Variants in ROBO1 observed in about 807,000 individuals in gnomAD.
ROBO1 encodes roundabout guidance receptor 1.
Under a neutral mutation model 195.9 loss-of-function variants are expected in ROBO1, and 149 were observed. The observed-to-expected ratio is 0.76, with a 90% CI of 0.67 to 0.87. The LOEUF (loss-of-function observed/expected upper bound fraction) is 0.87. Among genes scored for constraint, ROBO1 ranks in the 40% least tolerant of loss-of-function variants. ROBO1 has a pLI of 0.00. For missense variants in ROBO1, 1,933 were observed against 2,068.3 expected, an observed-to-expected ratio of 0.93 and a Z score of 1.27; for synonymous variants, 816 against 733.2, an observed-to-expected ratio of 1.11 and a Z score of -1.82.
intron 10 of ROBO1, among the ~76,000 whole-genome samples, chr3:78,677,819 C>T (rs905816286): frequency 7.9e-5 from 12 of 152,142 alleles, no homozygotes; most frequent in South Asian, 4.2e-4. Context: ...CTGCACCAAG[C>T]GGACCTAATA....
chr3:78,785,023 A>G (rs1158909670), intron 4 of ROBO1, among the ~76,000 whole-genome samples: 1 of 152,180 alleles, frequency 6.6e-6, no homozygotes, highest in African/African-American at 2.4e-5. Flanking sequence ...TACCATGTCA[A>G]TTTGCACAGC....
At chr3:79,727,009 A>G (rs186847737) in intron 1 of ROBO1, among the ~76,000 whole-genome samples, 142 of 152,320 alleles carry the variant, frequency 9.3e-4, no homozygotes, top group Non-Finnish European at 1.5e-3. Flanking sequence ...CTCTGCAGTG[A>G]AACATGAGTT....
At chr3:78,630,001 T>C (rs1344767517) in intron 25 of ROBO1, among the ~76,000 whole-genome samples, 1 of 152,152 alleles carries the variant, frequency 6.6e-6, no homozygotes, top group Non-Finnish European at 1.5e-5. Context: ...AAAATGGCCC[T>C]CAAAAGAAGT....
intron 2 of ROBO1, among the ~76,000 whole-genome samples, chr3:79,270,180 TCTCTC>T (rs2030400449): frequency 9.3e-5 from 1 of 10,788 alleles, no homozygotes; most frequent in African/African-American, 2.8e-4. Flanking sequence ...TACATAATGT[TCTCTC>T]TCTCTCTCTC....
At chr3:78,613,618 G>C (rs1703940830) in intron 28 of ROBO1, among the ~76,000 whole-genome samples, 1 of 152,154 alleles carries the variant, frequency 6.6e-6, no homozygotes, top group South Asian at 2.1e-4. Flanking sequence ...TCAGAATAAA[G>C]TATAGATAAT....
chr3:79,040,259 GTCAAATGGGATAATAGT>G (rs990437577), intron 3 of ROBO1, among the ~76,000 whole-genome samples: 2 of 152,094 alleles, frequency 1.3e-5, no homozygotes, highest in Admixed American at 1.3e-4. Context: ...TGGTGTGCTG[GTCAAATGGGATAATAGT>G]TCAAAATGTG....
At chr3:79,670,617 C>A (rs1198234389) in intron 1 of ROBO1, among the ~76,000 whole-genome samples, 4 of 151,736 alleles carry the variant, frequency 2.6e-5, no homozygotes. Flanking sequence ...GAAAAAAGCA[C>A]ATTGAAATGG....
chr3:78,930,620 C>A (rs569547499), intron 4 of ROBO1, among the ~76,000 whole-genome samples: 1 of 152,296 alleles, frequency 6.6e-6, no homozygotes, highest in Non-Finnish European at 1.5e-5. Flanking sequence ...TGACCTTGAC[C>A]TTGTCATCAA....
intron 2 of ROBO1, among the ~76,000 whole-genome samples, chr3:79,365,668 C>T (rs1004052739): frequency 3.9e-5 from 6 of 151,922 alleles, no homozygotes; most frequent in Admixed American, 6.6e-5. Context: ...GAGGCCGAGG[C>T]GGGCGGATCA....
intron 3 of ROBO1, among the ~76,000 whole-genome samples, chr3:79,009,107 A>AT (rs749520016): frequency 0.019 from 2,144 of 115,362 alleles, 123 homozygotes; most frequent in African/African-American, 0.056. Context: ...CGCCCAGCTA[A>AT]TTTTTTTTTT....
At chr3:78,632,639 C>A (rs187411107) in intron 24 of ROBO1, among the ~76,000 whole-genome samples, 4 of 152,132 alleles carry the variant, frequency 2.6e-5, no homozygotes, top group African/African-American at 9.7e-5. Context: ...CATCTTTTTA[C>A]CATATATTCA....
chr3:79,335,174 A>C (rs2109194080), intron 2 of ROBO1, among the ~76,000 whole-genome samples: 1 of 152,268 alleles, frequency 6.6e-6, no homozygotes, highest in South Asian at 2.1e-4. Flanking sequence ...GATGTATCAG[A>C]ATTCAAAAAT....
At chr3:78,912,739 G>T (rs186896549) in intron 4 of ROBO1, among the ~76,000 whole-genome samples, 1 of 152,188 alleles carries the variant, frequency 6.6e-6, no homozygotes, top group African/African-American at 2.4e-5. Context: ...CAGGCTGTAT[G>T]TCACAATAAA....
intron 2 of ROBO1, among the ~76,000 whole-genome samples, chr3:79,143,391 T>C (rs897796910): frequency 1.3e-5 from 2 of 151,988 alleles, no homozygotes; most frequent in Non-Finnish European, 2.9e-5. Context: ...GTATAAAACA[T>C]GATAGTGAAT....
intron 1 of ROBO1, among the ~76,000 whole-genome samples, chr3:79,741,607 C>T (rs1353477448): frequency 6.6e-6 from 1 of 152,014 alleles, no homozygotes; most frequent in Non-Finnish European, 1.5e-5. Flanking sequence ...TGATAAAATG[C>T]CATGTGTTGG....
At chr3:79,559,815 G>C (rs1942841933) in intron 2 of ROBO1, among the ~76,000 whole-genome samples, 1 of 152,086 alleles carries the variant, frequency 6.6e-6, no homozygotes, top group South Asian at 2.1e-4. Context: ...TACTTAGGAG[G>C]CTGAGGCAGG....
chr3:79,008,229 G>A (rs1024404607), intron 3 of ROBO1, among the ~76,000 whole-genome samples: 1 of 152,064 alleles, frequency 6.6e-6, no homozygotes, highest in African/African-American at 2.4e-5. Flanking sequence ...AATGTAAATC[G>A]ACATTTCATT....
At chr3:78,885,412 TAAA>T (rs59912706) in intron 4 of ROBO1, among the ~76,000 whole-genome samples, 544 of 53,708 alleles carry the variant, frequency 0.01, 1 homozygote, top group South Asian at 0.037. Context: ...AATTTAAAAC[TAAA>T]AAAAAAAAAA....
At chr3:79,306,597 G>T (rs936950758) in intron 2 of ROBO1, among the ~76,000 whole-genome samples, 1 of 152,180 alleles carries the variant, frequency 6.6e-6, no homozygotes, top group African/African-American at 2.4e-5. Flanking sequence ...TGCTCCGCAA[G>T]CACAGCCAGT....
Sources: gnomAD v4.1 joint callset for allele counts (sites outside exome capture counted in the v4.1 genomes callset) on GRCh38, gnomAD v4.1.1 for gene constraint, MANE v1.5 for transcripts, NCBI Gene and HGNC (gene_info 2026-07-23, HGNC 2026-07-21) for gene names.